LARP1: variants seen among roughly 807,000 people sequenced by gnomAD.
The protein encoded by LARP1 is La ribonucleoprotein 1, translational regulator.
LARP1 carries 36 observed loss-of-function variants against 122.7 expected under a neutral mutation model. The observed-to-expected ratio is 0.29, with a 90% CI of 0.22 to 0.39. The LOEUF is 0.39. Among genes scored for constraint, LARP1 ranks in the 10% least tolerant of loss-of-function variants. The pLI is 1.00. For missense variants in LARP1, 1,040 were observed against 1,403.6 expected (o/e 0.74, Z 4.14); for synonymous variants, 539 against 528.7 (o/e 1.02, Z -0.27).
At position 154,816,381 on chromosome 5, in the gene LARP1, G is replaced by T. The variant is rs35360321; in HGVS notation, c.*2285G>T. 344 of 152,946 alleles carry T rather than the reference G, an allele frequency of 2.2e-3. 3 individuals are homozygous for T. The highest frequency in any genetic ancestry group is 4.1e-3 in the Non-Finnish European group (279 of 68,220). 9.5% of individuals were successfully genotyped at this position (152,946 alleles called of 1,614,324 possible). ...AGGAAGCCTTAGGGTATGGGGAAAG[G>T]CTGTTATTACCTAGAGTTTACTCCC... On this transcript the variant is annotated 3_prime_UTR_variant, in exon 19 of 19. Coordinates refer to ENST00000518297, the MANE Select transcript of LARP1 (RefSeq NM_033551.3).
At chr5:154,749,499 C>T (rs912452627) in intron 1 of LARP1, among the ~76,000 whole-genome samples, 9 of 152,184 alleles carry the variant, frequency 5.9e-5, no homozygotes, top group Admixed American at 1.3e-4. Flanking sequence ...ATTGTGGAAA[C>T]AGTCAGTCCC....
At chr5:154,757,912 T>TC (rs1193942286) in intron 1 of LARP1, among the ~76,000 whole-genome samples, 1 of 124,786 alleles carries the variant, frequency 8.0e-6, no homozygotes, top group Non-Finnish European at 1.7e-5. Flanking sequence ...CTCCTCCCCT[T>TC]CCCCCCTTTC....
chr5:154,771,702 A>G (rs2113664526), intron 1 of LARP1, among the ~76,000 whole-genome samples: 1 of 152,308 alleles, frequency 6.6e-6, no homozygotes, highest in South Asian at 2.1e-4. Flanking sequence ...CTGGGGACAT[A>G]AGCCAAGTGG....
At chr5:154,767,316 A>G (rs1755033351) in intron 1 of LARP1, among the ~76,000 whole-genome samples, 1 of 152,188 alleles carries the variant, frequency 6.6e-6, no homozygotes, top group Admixed American at 6.5e-5. Context: ...AGAATGTTGA[A>G]TGTTCTTCTT....
chr5:154,711,879 GTCA>G (rs1755240055), upstream of LARP1, among the ~76,000 whole-genome samples: 1 of 152,108 alleles, frequency 6.6e-6, no homozygotes, highest in Non-Finnish European at 1.5e-5. Flanking sequence ...CTCGTTCCTT[GTCA>G]TCATTCATGT....
intron 1 of LARP1, among the ~76,000 whole-genome samples, chr5:154,772,252 A>T (rs1321439106): frequency 6.6e-6 from 1 of 152,246 alleles, no homozygotes; most frequent in Non-Finnish European, 1.5e-5. Flanking sequence ...TGTAAAAATA[A>T]TGAAATGTAC....
Position 154,800,097 on chromosome 5 carries a change from G to GA in LARP1, c.1716+57dup, listed in dbSNP as rs1758222935. 7.8e-6 allele frequency: 12 copies of GA among 1,543,228 alleles called. No homozygotes were observed. In the Admixed American group the frequency reaches 1.4e-4, roughly 18 times the overall value. On this transcript the variant is annotated intron_variant, in intron 10 of 18. Transcript: ENST00000518297. ...TCTAGCACTCTGAGCTAGGGTGCTT[G>GA]AAGGGGATAACACATGGGCACAGCA...
intron 7 of LARP1, 147 bp downstream of exon 7, chr5:154,794,409 G>C: frequency 2.8e-6 from 2 of 715,378 alleles, no homozygotes; most frequent in Non-Finnish European, 4.5e-6. Context: ...GTTTATTAAA[G>C]AAGTGATACC....
intron 1 of LARP1, among the ~76,000 whole-genome samples, chr5:154,744,618 T>A (rs912277740): frequency 2.0e-5 from 1 of 51,080 alleles, no homozygotes; most frequent in Admixed American, 1.9e-4. Context: ...GATATGCAAT[T>A]TTTTTTTTTT....
In LARP1 at chr5:154,816,898, A is replaced by C. The variant is rs1759706303; in HGVS notation, c.*2802A>C. ...TCTTCCTGCACTTGGGAGCAAAGGC[A>C]CTACCAGTAGAGAAGGGCCATCCAG... On this transcript the variant is annotated 3_prime_UTR_variant, in exon 19 of 19. Transcript: ENST00000518297. 1 of 152,192 alleles carries C rather than the reference A, an allele frequency of 6.6e-6. No homozygotes were observed. The highest frequency in any genetic ancestry group is 2.4e-5 in the African/African-American group (1 of 41,418). 9.4% of individuals were successfully genotyped at this position (152,192 alleles called of 1,614,324 possible).
chr5:154,789,219 CTTTTTTT>C (rs757782683), intron 1 of LARP1, among the ~76,000 whole-genome samples: 31 of 91,386 alleles, frequency 3.4e-4, no homozygotes, highest in African/African-American at 1.3e-3. Flanking sequence ...TCAAAACAAA[CTTTTTTT>C]TTTTTTTTTT....
intron 1 of LARP1, chr5:154,786,633 A>G (rs939876965): frequency 3.5e-5 from 13 of 366,934 alleles, no homozygotes; most frequent in Non-Finnish European, 7.2e-5. Flanking sequence ...AAAACAAGGG[A>G]AGTGCTCTAA....
chr5:154,688,005 C>T (rs1056963611), intron 1 of LARP1, among the ~76,000 whole-genome samples: 9 of 152,172 alleles, frequency 5.9e-5, no homozygotes, highest in Admixed American at 4.6e-4. Context: ...GCATGTCCCT[C>T]AGTTTCCCTG....
chr5:154,800,168 AT>A, intron 10 of LARP1, 126 bp downstream of exon 10: 5 of 855,998 alleles, frequency 5.8e-6, no homozygotes, highest in Non-Finnish European at 7.1e-6. Context: ...GTTCAGGATC[AT>A]AGTGTGAGTT....
intron 1 of LARP1, among the ~76,000 whole-genome samples, chr5:154,732,500 C>T (rs1006025094): frequency 6.6e-6 from 1 of 152,218 alleles, no homozygotes; most frequent in African/African-American, 2.4e-5. Context: ...CACATGCAGC[C>T]TTCATGGGAA....
At chr5:154,811,164 T>C in intron 16 of LARP1, 83 bp from the exon 17 acceptor site, 2 of 996,204 alleles carry the variant, frequency 2.0e-6, no homozygotes, top group South Asian at 2.8e-5. Flanking sequence ...TTAAACTGTT[T>C]CATAGTTCCT....
chr5:154,683,964 G>A (rs1008322076), intron 1 of LARP1, among the ~76,000 whole-genome samples: 2 of 152,184 alleles, frequency 1.3e-5, no homozygotes, highest in African/African-American at 4.8e-5. Context: ...AAACTAGGGT[G>A]GATAGATGAA....
intron 1 of LARP1, among the ~76,000 whole-genome samples, chr5:154,777,914 A>G (rs935671701): frequency 6.6e-6 from 1 of 152,208 alleles, no homozygotes. Flanking sequence ...ACCAACTGTC[A>G]TATTTGTGGA....
chr5:154,718,467 A>G (rs1360667712), intron 1 of LARP1: 2 of 152,192 alleles, frequency 1.3e-5, no homozygotes, highest in African/African-American at 4.8e-5. Flanking sequence ...GCATGGGAGC[A>G]CTGGAGTTTT....
Sources: allele counts gnomAD v4.1 joint callset (sites outside exome capture counted in the v4.1 genomes callset), GRCh38; gene constraint gnomAD v4.1.1; transcripts MANE v1.5; gene names NCBI Gene and HGNC (gene_info 2026-07-23, HGNC 2026-07-21).